EPB42: variants seen among roughly 807,000 people sequenced by gnomAD.
EPB42 encodes protein 4.2.
EPB42 carries 49 observed loss-of-function variants against 76.9 expected under a neutral mutation model. The ratio of observed to expected loss-of-function variants is 0.64; its 90% CI spans 0.51 to 0.81. EPB42 has a LOEUF of 0.81. Among genes scored for constraint, EPB42 ranks in the 30% least tolerant of loss-of-function variants. The pLI is 0.00. For synonymous variants in EPB42, 310 were observed against 338.4 expected (o/e 0.92, Z 0.92); for missense variants, 731 against 867.6 (o/e 0.84, Z 1.98).
intron 3 of EPB42, among the ~76,000 whole-genome samples, chr15:43,212,369 C>CAAAAAAAA (rs35031544): frequency 3.5e-5 from 3 of 86,874 alleles, no homozygotes; most frequent in East Asian, 3.0e-4. Flanking sequence ...AACTCCGTCT[C>CAAAAAAAA]AAAAAAAAAA....
upstream of EPB42, among the ~76,000 whole-genome samples, chr15:43,223,667 TG>T (rs1397204159): frequency 6.6e-6 from 1 of 152,176 alleles, no homozygotes; most frequent in Non-Finnish European, 1.5e-5. Flanking sequence ...ATAATACTAG[TG>T]GGAGTGCAAA....
chr15:43,214,572 C>T (rs952760468), intron 3 of EPB42, among the ~76,000 whole-genome samples: 3 of 152,270 alleles, frequency 2.0e-5, no homozygotes, highest in East Asian at 1.9e-4. Context: ...CCTGGTCGGC[C>T]GGGGAGCCTT....
chr15:43,205,054 C>A (rs2042181119), intron 10 of EPB42, among the ~76,000 whole-genome samples: 1 of 142,028 alleles, frequency 7.0e-6, no homozygotes, highest in Admixed American at 7.8e-5. Flanking sequence ...CCATTCCATT[C>A]TGCCAAAAGT....
intron 3 of EPB42, among the ~76,000 whole-genome samples, chr15:43,211,763 A>G (rs536175655): frequency 3.3e-5 from 5 of 152,380 alleles, no homozygotes; most frequent in South Asian, 2.1e-4. Context: ...CAGGAAGACA[A>G]GAACAACCTT....
intron 12 of EPB42, among the ~76,000 whole-genome samples, chr15:43,200,464 A>G (rs2042108890): frequency 6.6e-6 from 1 of 152,248 alleles, no homozygotes; most frequent in Admixed American, 6.5e-5. Context: ...ACTATACAGG[A>G]AACTTCTACA....
intron 10 of EPB42, among the ~76,000 whole-genome samples, chr15:43,203,786 G>A (rs937518767): frequency 1.3e-5 from 2 of 151,958 alleles, no homozygotes; most frequent in Non-Finnish European, 2.9e-5. Context: ...GTAAATTAAC[G>A]ACCCTCTCTG....
At position 43,207,341 on chromosome 15, in the gene EPB42, T is replaced by C. The variant is rs1468426358; in HGVS notation, c.1176A>G (p.Ser392=). 9.3e-6 allele frequency: 15 copies of C among 1,614,180 alleles called. No individual in the cohort carries two copies. Among genetic ancestry groups the C allele is most frequent in the South Asian group, 2.2e-5 (2 of 91,080 alleles). Residue 392 remains serine (S), a synonymous_variant, in exon 9 of 13, where the codon TCA becomes TCG. Coordinates refer to ENST00000441366, the MANE Select transcript of EPB42 (RefSeq NM_001114134.2). ...CCTCACAGCACTTCCAGACCACACA[T>C]GAGGCATTTATGGCAGCAAAAAGGT... ...VSDLFAAINA[S]CVVWKCCEDG...
chr15:43,222,654 G>A (rs1206124884), upstream of EPB42, among the ~76,000 whole-genome samples: 4 of 152,134 alleles, frequency 2.6e-5, no homozygotes, highest in Admixed American at 2.0e-4. Flanking sequence ...AGCCTTCCTA[G>A]ATATGAACAC....
At chr15:43,203,855 T>C (rs1237722014) in intron 10 of EPB42, among the ~76,000 whole-genome samples, 3 of 152,186 alleles carry the variant, frequency 2.0e-5, no homozygotes, top group African/African-American at 7.2e-5. Context: ...CAGAACGTGG[T>C]TGTGAGGGCT....
intron 1 of EPB42, among the ~76,000 whole-genome samples, chr15:43,217,262 C>T (rs904743371): frequency 6.6e-6 from 1 of 151,724 alleles, no homozygotes; most frequent in Non-Finnish European, 1.5e-5. Flanking sequence ...CTCCTTCACT[C>T]TCTCTCTCTC....
intron 9 of EPB42, 133 bp downstream of exon 9, chr15:43,207,065 TG>T: frequency 7.5e-7 from 1 of 1,326,760 alleles, no homozygotes; most frequent in Non-Finnish European, 1.0e-6. Flanking sequence ...TGGTGTCAAA[TG>T]GGGTTGAGAA....
intron 1 of EPB42, 191 bp downstream of exon 1, chr15:43,220,625 C>T: frequency 9.0e-7 from 1 of 1,108,696 alleles, no homozygotes; most frequent in Non-Finnish European, 1.3e-6. Context: ...CTCACTATCA[C>T]CTCTACCAGC....
At chr15:43,215,914 ACTC>A (rs1214381659) in intron 2 of EPB42, among the ~76,000 whole-genome samples, 1 of 151,614 alleles carries the variant, frequency 6.6e-6, no homozygotes, top group Non-Finnish European at 1.5e-5. Flanking sequence ...CTGGTCTTGA[ACTC>A]CTGACCTCAG....
chr15:43,204,355 C>T (rs1567272979), intron 10 of EPB42, among the ~76,000 whole-genome samples: 2 of 152,014 alleles, frequency 1.3e-5, no homozygotes, highest in South Asian at 2.1e-4. Context: ...TGGGTTCCCT[C>T]CTCACCCTCT....
intron 1 of EPB42, among the ~76,000 whole-genome samples, chr15:43,219,491 T>C (rs2042426343): frequency 6.6e-6 from 1 of 152,200 alleles, no homozygotes; most frequent in Non-Finnish European, 1.5e-5. Flanking sequence ...TCATACTCAG[T>C]GATTCTCATC....
rs566889243 is a variant in EPB42, at chr15:43,208,483, C to A, written c.972-150G>T. 3.3e-5 allele frequency: 46 copies of A among 1,412,112 alleles called. 1 individual carries two copies. The South Asian group carries it at 5.0e-4, about 15-fold the overall frequency. 87.5% of individuals were successfully genotyped at this position (1,412,112 alleles called of 1,614,324 possible). On this transcript the variant is annotated intron_variant, in intron 7 of 12. Coordinates refer to ENST00000441366, the MANE Select transcript of EPB42 (RefSeq NM_001114134.2). ...TGTGGCACTCCCAGGAAGGGGCGTG[C>A]ACACCATCACTGACCATCAGCGCCG...
intron 3 of EPB42, 69 bp downstream of exon 3, chr15:43,215,026 C>G (rs1238290765): frequency 7.2e-7 from 1 of 1,383,722 alleles, no homozygotes; most frequent in African/African-American, 1.4e-5. Context: ...TGCTCCCTGC[C>G]AGAGCTGCAC....
chr15:43,220,654 C>A (rs560012420), intron 1 of EPB42, 162 bp downstream of exon 1: 5 of 963,896 alleles, frequency 5.2e-6, no homozygotes, highest in Admixed American at 3.9e-5. Flanking sequence ...ACCACACCCC[C>A]CCCCCACAGC....
At chr15:43,209,655 C>T in intron 5 of EPB42, 1 of 563,116 alleles carries the variant, frequency 1.8e-6, no homozygotes, top group Non-Finnish European at 3.1e-6. Context: ...GAGCCCAGGA[C>T]CCTCCTTCTT....
Sources: allele counts gnomAD v4.1 joint callset (sites outside exome capture counted in the v4.1 genomes callset), GRCh38; gene constraint gnomAD v4.1.1; transcripts MANE v1.5; gene names NCBI Gene and HGNC (gene_info 2026-07-23, HGNC 2026-07-21).